The following PRH1 variants were observed in gnomAD, a reference collection of about 807,000 sequenced individuals.
PRH1 encodes the protein salivary acidic proline-rich phosphoprotein 1/2.
Under a neutral mutation model 7.9 loss-of-function variants are expected in PRH1, and 7 were observed. The ratio of observed to expected loss-of-function variants is 0.89; its 90% CI spans 0.50 to 1.67. PRH1 has a LOEUF of 1.67. Among genes scored for constraint, PRH1 ranks in the 40% most tolerant of loss-of-function variants. The pLI is 0.00. For missense variants in PRH1, 109 were observed against 223.6 expected, an observed-to-expected ratio of 0.49 and a Z score of 3.27; for synonymous variants, 45 against 80.8, an observed-to-expected ratio of 0.56 and a Z score of 2.38.
At chr12:10,942,597 G>A (rs1162052015) in intron 2 of PRH1, among the ~76,000 whole-genome samples, 1 of 152,128 alleles carries the variant, frequency 6.6e-6, no homozygotes, top group African/African-American at 2.4e-5. Flanking sequence ...CCAGACAGTC[G>A]GCAAGCAGGG....
At chr12:10,984,143 C>CA (rs1939493186) in intron 1 of PRH1, among the ~76,000 whole-genome samples, 1 of 151,998 alleles carries the variant, frequency 6.6e-6, no homozygotes, top group African/African-American at 2.4e-5. Flanking sequence ...GGAAATATCA[C>CA]AATACAAATA....
At chr12:11,054,160 C>A (rs77663021) in intron 1 of PRH1, among the ~76,000 whole-genome samples, 12 of 148,268 alleles carry the variant, frequency 8.1e-5, no homozygotes, top group Admixed American at 1.3e-4. Flanking sequence ...TAGACAAATA[C>A]CCTCACATAG....
At chr12:11,134,133 T>C in intron 1 of PRH1, 1 of 1,614,142 alleles carries the variant, frequency 6.2e-7, no homozygotes, top group South Asian at 1.1e-5. Context: ...ATCTTTTGTC[T>C]CTTGACCCAC....
At chr12:10,914,828 C>T (rs1949950642) in intron 2 of PRH1, among the ~76,000 whole-genome samples, 1 of 152,106 alleles carries the variant, frequency 6.6e-6, no homozygotes, top group African/African-American at 2.4e-5. Flanking sequence ...GTTTCTAAGC[C>T]TGGTTAAAAC....
chr12:11,119,061 T>C (rs1945816035), downstream of PRH1, among the ~76,000 whole-genome samples: 1 of 150,934 alleles, frequency 6.6e-6, no homozygotes, highest in Non-Finnish European at 1.5e-5. Flanking sequence ...TGGAGTACTA[T>C]TCAGCCATTT....
chr12:10,929,658 A>G (rs1246269909), intron 2 of PRH1, among the ~76,000 whole-genome samples: 1 of 152,216 alleles, frequency 6.6e-6, no homozygotes, highest in African/African-American at 2.4e-5. Flanking sequence ...TGAAGATCCT[A>G]TACTGATCCC....
chr12:10,981,404 C>T (rs921658741), intron 1 of PRH1, among the ~76,000 whole-genome samples: 28 of 133,732 alleles, frequency 2.1e-4, no homozygotes, highest in African/African-American at 7.4e-4. Context: ...GGTGGAGACT[C>T]GCTCTGTCGC....
At chr12:11,146,815 CATCTT>C (rs1417669363) in intron 1 of PRH1, among the ~76,000 whole-genome samples, 2 of 152,138 alleles carry the variant, frequency 1.3e-5, no homozygotes, top group African/African-American at 2.4e-5. Context: ...GCAAAAAACA[CATCTT>C]ATCTACTAAT....
chr12:11,055,861 G>T (rs1402845363), intron 1 of PRH1, among the ~76,000 whole-genome samples: 3 of 150,826 alleles, frequency 2.0e-5, no homozygotes, highest in Non-Finnish European at 4.4e-5. Flanking sequence ...CACCTTTTCT[G>T]TGCCAGATTT....
upstream of PRH1, among the ~76,000 whole-genome samples, chr12:11,051,916 TG>T (rs144645858): frequency 0.018 from 2,325 of 129,304 alleles, 18 homozygotes; most frequent in South Asian, 0.04. Context: ...GCTTCTTTTC[TG>T]AGCTGTTAGA....
intron 2 of PRH1, among the ~76,000 whole-genome samples, chr12:10,967,114 C>CA (rs35838979): frequency 2.0e-3 from 199 of 99,220 alleles, no homozygotes; most frequent in African/African-American, 4.2e-3. Flanking sequence ...GACTCCGTCT[C>CA]AAAAAAAAAA....
chr12:11,102,237 C>T (rs1945278026), intron 1 of PRH1, among the ~76,000 whole-genome samples: 1 of 152,154 alleles, frequency 6.6e-6, no homozygotes, highest in Non-Finnish European at 1.5e-5. Flanking sequence ...ATTGCCAAGA[C>T]AATCCTAAGC....
intron 1 of PRH1, among the ~76,000 whole-genome samples, chr12:11,036,840 G>C (rs1449252621): frequency 6.6e-6 from 1 of 152,194 alleles, no homozygotes; most frequent in Non-Finnish European, 1.5e-5. Context: ...TATAGACGAT[G>C]ATGATAATGA....
At chr12:11,015,182 T>C (rs1273650468) in intron 1 of PRH1, among the ~76,000 whole-genome samples, 4 of 152,046 alleles carry the variant, frequency 2.6e-5, no homozygotes, top group African/African-American at 4.8e-5. Flanking sequence ...ACCTCCAAAG[T>C]GTTAGCAGGC....
At chr12:10,919,673 C>T (rs962995703) in intron 2 of PRH1, among the ~76,000 whole-genome samples, 5 of 151,320 alleles carry the variant, frequency 3.3e-5, no homozygotes, top group Admixed American at 1.3e-4. Flanking sequence ...GAACAGTCTA[C>T]GTTTTTTTTT....
intron 2 of PRH1, among the ~76,000 whole-genome samples, chr12:10,958,846 C>T (rs10772392): frequency 0.75 from 113,897 of 152,072 alleles, 44,869 homozygotes; most frequent in East Asian, 0.94. Context: ...TATAAGACTT[C>T]GTAAGGATTT....
intron 1 of PRH1, among the ~76,000 whole-genome samples, chr12:11,041,738 A>T (rs555481959): frequency 1.3e-5 from 2 of 152,354 alleles, no homozygotes; most frequent in East Asian, 3.9e-4. Flanking sequence ...TCACAAAACA[A>T]GTCTTAAACA....
chr12:11,022,713 GC>G, intron 1 of PRH1: 1 of 630,952 alleles, frequency 1.6e-6, no homozygotes, highest in East Asian at 2.7e-5. Flanking sequence ...GTGTCAACAG[GC>G]AAGCACCAGC....
chr12:11,029,371 A>C (rs1942072260), intron 1 of PRH1, among the ~76,000 whole-genome samples: 1 of 152,124 alleles, frequency 6.6e-6, no homozygotes, highest in Non-Finnish European at 1.5e-5. Flanking sequence ...ATACTTTTTT[A>C]ACATTTACAA....
Sources: allele counts gnomAD v4.1 joint callset (sites outside exome capture counted in the v4.1 genomes callset), GRCh38; gene constraint gnomAD v4.1.1; transcripts MANE v1.5; gene names NCBI Gene and HGNC (gene_info 2026-07-23, HGNC 2026-07-21).